MTAP: variants seen among roughly 807,000 people sequenced by gnomAD.
The protein encoded by MTAP is methylthioadenosine phosphorylase, also known as S-methyl-5'-thioadenosine phosphorylase.
MTAP carries 33 observed loss-of-function variants against 33.6 expected under a neutral mutation model. The ratio of observed to expected loss-of-function variants is 0.98; its 90% CI spans 0.74 to 1.31. The LOEUF (loss-of-function observed/expected upper bound fraction) is 1.31, where lower values mean the gene tolerates loss of function less well. MTAP is among the 40% of genes most tolerant of loss of function. The pLI, the probability that MTAP is intolerant of heterozygous loss-of-function variation, is 0.00. For missense variants in MTAP, 367 were observed against 360.0 expected (o/e 1.02, Z -0.16); for synonymous variants, 148 against 125.7 (o/e 1.18, Z -1.19).
chr9:21,828,119 C>A lies in MTAP; in HGVS notation c.348-9789C>A, dbSNP rs115465688. On this transcript the variant is annotated intron_variant, in intron 4 of 7. Transcript: ENST00000644715. The stretch of plus-strand genomic sequence containing the variant: ...GAGACTAGAAAGAAAACAGGTATTG[C>A]CATCAGATCTGGTTTCATTCTATCT... Among the ~76,000 whole-genome samples the A allele has an allele frequency of 2.0e-3, 301 of 152,294 alleles. 1 individual carries two copies. Among genetic ancestry groups the A allele is most frequent in the African/African-American group, 6.8e-3 (284 of 41,554 alleles).
chr9:21,864,610 C>A lies in MTAP; in HGVS notation c.*2596C>A, dbSNP rs1825819774. ...TCCCCGAGGGTCATGGTCCTTGTGACCTGGCCCCTGTTCACTGCCCCCTTC... is the reference window on the plus strand; with the variant it reads ...TCCCCGAGGGTCATGGTCCTTGTGAACTGGCCCCTGTTCACTGCCCCCTTC... On this transcript the variant is annotated 3_prime_UTR_variant, in exon 8 of 8. Transcript: ENST00000644715. 5 of 985,506 alleles carry A rather than the reference C, an allele frequency of 5.1e-6. No homozygotes were observed. The highest frequency in any genetic ancestry group is 6.0e-6 in the Non-Finnish European group (5 of 830,004). The allele number at this position is 985,506 out of a possible 1,614,324, so 61.0% of individuals were successfully genotyped here.
intron 4 of MTAP, among the ~76,000 whole-genome samples, chr9:21,828,031 A>G (rs1260240693): frequency 6.6e-6 from 1 of 152,184 alleles, no homozygotes; most frequent in South Asian, 2.1e-4. Context: ...TTTTACTCAC[A>G]TGTCTTAAAT....
intron 1 of MTAP, among the ~76,000 whole-genome samples, chr9:21,884,356 A>G (rs1818072449): frequency 6.6e-6 from 1 of 152,194 alleles, no homozygotes; most frequent in African/African-American, 2.4e-5. Flanking sequence ...TACTTATATG[A>G]TGGAATAATA....
intron 1 of MTAP, among the ~76,000 whole-genome samples, chr9:21,809,616 G>A (rs1437172970): frequency 3.3e-5 from 5 of 150,914 alleles, no homozygotes; most frequent in South Asian, 2.1e-4. Context: ...TCCAGCCTGG[G>A]CGACAGAGTG....
chr9:21,834,866 G>C (rs1563839868), intron 4 of MTAP, among the ~76,000 whole-genome samples: 1 of 152,196 alleles, frequency 6.6e-6, no homozygotes, highest in Non-Finnish European at 1.5e-5. Flanking sequence ...ATCTAAAATG[G>C]AGATGTTATT....
At chr9:21,838,944 G>C (rs1825176886) in intron 5 of MTAP, among the ~76,000 whole-genome samples, 1 of 152,212 alleles carries the variant, frequency 6.6e-6, no homozygotes, top group Non-Finnish European at 1.5e-5. Context: ...CATATAGAGA[G>C]TAGATGATTT....
intron 4 of MTAP, among the ~76,000 whole-genome samples, chr9:21,820,419 T>C (rs577784471): frequency 2.1e-3 from 325 of 152,296 alleles, no homozygotes; most frequent in African/African-American, 7.6e-3. Context: ...CCATTTCTTG[T>C]TTTTGTCAGG....
chr9:21,890,108 G>A (rs1818175605), intron 1 of MTAP, among the ~76,000 whole-genome samples: 1 of 152,020 alleles, frequency 6.6e-6, no homozygotes, highest in Non-Finnish European at 1.5e-5. Context: ...TCCTTGGGTG[G>A]GGCTTGCTGT....
In MTAP at chr9:21,846,607, G is replaced by A. The variant is rs574288819; in HGVS notation, c.451-8024G>A. Among the ~76,000 whole-genome samples, 9 of 152,210 alleles carry A rather than the reference G, an allele frequency of 5.9e-5. No homozygotes were observed. In the South Asian group the frequency reaches 1.7e-3, roughly 28 times the overall value. On this transcript the variant is annotated intron_variant, in intron 5 of 7. Transcript: ENST00000644715. Reference sequence around the variant, plus strand: ...AATAATAGATATTGGTGTAGATGTGGTGTAAAGGGAACACTTTTACACTGC... The same window carrying A: ...AATAATAGATATTGGTGTAGATGTGATGTAAAGGGAACACTTTTACACTGC...
chr9:21,905,305 G>C (rs1185338272), intron 1 of MTAP, among the ~76,000 whole-genome samples: 7 of 152,158 alleles, frequency 4.6e-5, no homozygotes, highest in Non-Finnish European at 1.0e-4. Context: ...TTAGCGTCCA[G>C]TTGCCTGTGT....
chr9:21,856,392 G>T (rs1477551303), intron 6 of MTAP, among the ~76,000 whole-genome samples: 2 of 152,108 alleles, frequency 1.3e-5, no homozygotes, highest in Non-Finnish European at 2.9e-5. Flanking sequence ...TTAGTACTAG[G>T]ATGCCTTTTA....
chr9:21,808,151 G>A (rs984099444), intron 1 of MTAP, among the ~76,000 whole-genome samples: 1 of 152,234 alleles, frequency 6.6e-6, no homozygotes, highest in Non-Finnish European at 1.5e-5. Flanking sequence ...AGAATATTCA[G>A]ATGTCCACCG....
chr9:21,824,092 C>G (rs1366283027), intron 4 of MTAP, among the ~76,000 whole-genome samples: 1 of 152,152 alleles, frequency 6.6e-6, no homozygotes, highest in Non-Finnish European at 1.5e-5. Context: ...TGTCTGAAGC[C>G]TTCTCTCAAC....
At chr9:21,881,936 A>G (rs1428859550) in intron 1 of MTAP, among the ~76,000 whole-genome samples, 1 of 152,054 alleles carries the variant, frequency 6.6e-6, no homozygotes, top group Non-Finnish European at 1.5e-5. Flanking sequence ...TATTCATAGC[A>G]GCATTATTAA....
intron 3 of MTAP, 70 bp from the exon 4 acceptor site, chr9:21,817,965 C>T: frequency 7.0e-7 from 1 of 1,427,362 alleles, no homozygotes; most frequent in Non-Finnish European, 9.3e-7. Flanking sequence ...TTAATTTTTT[C>T]TAGACTCTAG....
intron 1 of MTAP, among the ~76,000 whole-genome samples, chr9:21,890,662 C>T (rs1490465715): frequency 6.6e-6 from 1 of 152,088 alleles, no homozygotes; most frequent in East Asian, 1.9e-4. Context: ...TTTTGCTGGG[C>T]TCTCTAAATT....
chr9:21,883,870 C>T (rs926696898), intron 1 of MTAP, among the ~76,000 whole-genome samples: 1 of 151,990 alleles, frequency 6.6e-6, no homozygotes, highest in African/African-American at 2.4e-5. Flanking sequence ...CTAGCCCGCA[C>T]AGGAAGTGGC....
intron 1 of MTAP, among the ~76,000 whole-genome samples, chr9:21,888,889 C>T (rs183529538): frequency 4.6e-5 from 7 of 152,082 alleles, no homozygotes; most frequent in Non-Finnish European, 8.8e-5. Flanking sequence ...AACTGTGAGG[C>T]AAAAGCATCA....
At chr9:21,839,092 C>T (rs767635484) in intron 5 of MTAP, among the ~76,000 whole-genome samples, 2 of 151,688 alleles carry the variant, frequency 1.3e-5, no homozygotes, top group African/African-American at 4.8e-5. Context: ...AATCTAAAAC[C>T]GAGTACTGAG....
Sources: allele counts gnomAD v4.1 joint callset (sites outside exome capture counted in the v4.1 genomes callset), GRCh38; gene constraint gnomAD v4.1.1; transcripts MANE v1.5; gene names NCBI Gene and HGNC (gene_info 2026-07-23, HGNC 2026-07-21).